The following MED12L variants were observed in gnomAD, a reference collection of about 807,000 sequenced individuals.
MED12L encodes mediator complex subunit 12L, also known as mediator of RNA polymerase II transcription subunit 12-like protein.
A neutral mutation model predicts 281.3 loss-of-function variants in MED12L; 60 were observed. That is an observed-to-expected ratio of 0.21 (90% CI 0.17 to 0.26). The LOEUF is 0.26. Ranked by LOEUF, MED12L falls within the 10% of genes least tolerant of loss-of-function variation. The pLI, the probability that MED12L is intolerant of heterozygous loss-of-function variation, is 1.00. For missense variants in MED12L, 2,146 were observed against 2,680.9 expected (o/e 0.80, Z 4.41); for synonymous variants, 974 against 987.2 (o/e 0.99, Z 0.25).
intron 25 of MED12L, among the ~76,000 whole-genome samples, chr3:151,368,595 A>G (rs1755587498): frequency 2.9e-4 from 15 of 51,390 alleles, no homozygotes; most frequent in African/African-American, 1.5e-3. Flanking sequence ...GATTTATTTT[A>G]TTTTATTTTA....
At chr3:151,182,112 T>A (rs1318976617) in intron 11 of MED12L, among the ~76,000 whole-genome samples, 1 of 152,224 alleles carries the variant, frequency 6.6e-6, no homozygotes, top group Non-Finnish European at 1.5e-5. Flanking sequence ...AAAAAATGTC[T>A]CTGCTTATTT....
At chr3:151,168,428 A>G (rs1720990427) in intron 11 of MED12L, among the ~76,000 whole-genome samples, 1 of 152,144 alleles carries the variant, frequency 6.6e-6, no homozygotes, top group Admixed American at 6.5e-5. Context: ...AGCTTCCCCT[A>G]CCTGAGTGAC....
intron 16 of MED12L, among the ~76,000 whole-genome samples, chr3:151,313,361 G>T (rs889944714): frequency 9.2e-5 from 14 of 152,074 alleles, no homozygotes; most frequent in African/African-American, 3.4e-4. Context: ...TATACAATAA[G>T]TCTATATCAT....
At chr3:151,153,173 G>A (rs974502470) in intron 5 of MED12L, among the ~76,000 whole-genome samples, 5 of 152,214 alleles carry the variant, frequency 3.3e-5, no homozygotes, top group African/African-American at 7.2e-5. Flanking sequence ...AAATGGTAGG[G>A]TGGACTGCAT....
chr3:151,267,948 A>G (rs561682488), intron 16 of MED12L, among the ~76,000 whole-genome samples: 2 of 152,300 alleles, frequency 1.3e-5, no homozygotes, highest in Non-Finnish European at 2.9e-5. Context: ...GAAATGCGCT[A>G]TTATCCTAAT....
chr3:151,394,467 C>T (rs983660570), intron 38 of MED12L, among the ~76,000 whole-genome samples, 189 bp from the exon 39 acceptor site: 11 of 152,226 alleles, frequency 7.2e-5, no homozygotes, highest in African/African-American at 2.4e-4. Context: ...TTCTACATCA[C>T]TCCCCTCATC....
chr3:151,391,781 G>A (rs1314216114), intron 38 of MED12L, among the ~76,000 whole-genome samples: 1 of 152,150 alleles, frequency 6.6e-6, no homozygotes, highest in African/African-American at 2.4e-5. Flanking sequence ...AAGCCTCGTG[G>A]CAGATATTTT....
chr3:151,347,770 C>G (rs773927278), intron 16 of MED12L, among the ~76,000 whole-genome samples: 3 of 152,130 alleles, frequency 2.0e-5, no homozygotes, highest in Admixed American at 1.3e-4. Context: ...GCATTTTACA[C>G]GCTTTATCCC....
Position 151,409,266 on chromosome 3 carries a change from T to C in MED12L, c.5844T>C (p.Ala1948=), listed in dbSNP as rs377205019. Residue 1948 remains alanine, a synonymous_variant, in exon 40 of 45, where the codon GCT becomes GCC. Coordinates refer to ENST00000687756, the MANE Select transcript of MED12L (RefSeq NM_001393769.1). ...AGGGCCAGCCGGGGGACCAGGCTGC[T>C]CTCTTTGCTGCGCAAGCACGGCCCT... ...FQQGQPGDQA[A]LFAAQARPSP... The C allele has an allele frequency of 3.1e-6, 5 of 1,609,156 alleles. No homozygotes were observed. The highest frequency in any genetic ancestry group is 1.3e-5 in the African/African-American group (1 of 74,524).
chr3:151,175,234 T>C (rs1192762281), intron 11 of MED12L, among the ~76,000 whole-genome samples: 1 of 152,220 alleles, frequency 6.6e-6, no homozygotes, highest in Admixed American at 6.5e-5. Flanking sequence ...CTAATATAAC[T>C]ACACTACATA....
intron 28 of MED12L, 95 bp downstream of exon 28, chr3:151,376,309 G>T: frequency 1.9e-6 from 2 of 1,029,560 alleles, no homozygotes; most frequent in Non-Finnish European, 2.6e-6. Context: ...TTGCTAATTT[G>T]TGATTTCAAT....
intron 43 of MED12L, among the ~76,000 whole-genome samples, chr3:151,423,560 C>T (rs1241177226): frequency 1.3e-5 from 2 of 152,140 alleles, no homozygotes; most frequent in Non-Finnish European, 2.9e-5. Context: ...GGAAAAACAT[C>T]TGGAAATAAA....
At chr3:151,226,391 A>G (rs1258957404) in intron 16 of MED12L, among the ~76,000 whole-genome samples, 1 of 152,234 alleles carries the variant, frequency 6.6e-6, no homozygotes, top group Non-Finnish European at 1.5e-5. Context: ...GTAAACGTTT[A>G]CGTTACAAAT....
At chr3:151,365,319 T>A in intron 22 of MED12L, 113 bp downstream of exon 22, 2 of 821,842 alleles carry the variant, frequency 2.4e-6, no homozygotes, top group Non-Finnish European at 4.0e-6. Flanking sequence ...TATCATTTGC[T>A]TTTTCTAAAT....
chr3:151,391,188 C>A (rs1332602655), intron 38 of MED12L, among the ~76,000 whole-genome samples: 1 of 152,176 alleles, frequency 6.6e-6, no homozygotes, highest in African/African-American at 2.4e-5. Flanking sequence ...ATGTTACACA[C>A]ACATACATAT....
At position 151,127,962 on chromosome 3, in the gene MED12L, T is replaced by A. The variant is rs1714774730; in HGVS notation, c.534T>A (p.Arg178=). 1 of 1,612,580 alleles carries A rather than the reference T, an allele frequency of 6.2e-7. No homozygotes were observed. The highest frequency in any genetic ancestry group is 1.7e-5 in the Admixed American group (1 of 59,646). Residue 178 remains arginine (R), a synonymous_variant, in exon 5 of 45, where the codon CGT becomes CGA. Coordinates refer to ENST00000687756, the MANE Select transcript of MED12L (RefSeq NM_001393769.1). ...TATCTGAAGCTAAAATTAAGAAACG[T>A]CAGGCTCCTGATCCGAATTTGGGTA... ...SAISEAKIKK[R]QAPDPNLEWT...
At chr3:151,407,202 C>T (rs1716419715) in intron 39 of MED12L, among the ~76,000 whole-genome samples, 2 of 152,150 alleles carry the variant, frequency 1.3e-5, no homozygotes, top group Admixed American at 6.5e-5. Context: ...TAGCTCCCCC[C>T]ACCATGTAAG....
intron 16 of MED12L, among the ~76,000 whole-genome samples, chr3:151,210,508 T>G (rs79911489): frequency 0.056 from 8,571 of 152,282 alleles, 722 homozygotes; most frequent in African/African-American, 0.18. Context: ...TCTGTTTCTT[T>G]ATTACTCTTA....
intron 40 of MED12L, among the ~76,000 whole-genome samples, chr3:151,409,582 G>A (rs1285814862): frequency 2.0e-5 from 3 of 152,170 alleles, no homozygotes; most frequent in Admixed American, 6.5e-5. Flanking sequence ...TATTAGTGAT[G>A]ATTATAGATA....
Sources: allele counts gnomAD v4.1 joint callset (sites outside exome capture counted in the v4.1 genomes callset), GRCh38; gene constraint gnomAD v4.1.1; transcripts MANE v1.5; gene names NCBI Gene and HGNC (gene_info 2026-07-23, HGNC 2026-07-21).